Variants in ZFHX3 observed in about 807,000 individuals in gnomAD.
ZFHX3 encodes zinc finger homeobox protein 3.
In ZFHX3, 42 loss-of-function variants were observed where a neutral mutation model predicts 279.1. The ratio of observed to expected loss-of-function variants is 0.15; its 90% CI spans 0.12 to 0.19. The LOEUF (loss-of-function observed/expected upper bound fraction) is 0.19. Among genes scored for constraint, ZFHX3 ranks in the 10% least tolerant of loss-of-function variants. The pLI is 1.00. For synonymous variants in ZFHX3, 2,293 were observed against 1,957.8 expected, an observed-to-expected ratio of 1.17 and a Z score of -4.52; for missense variants, 4,981 against 4,754.0, an observed-to-expected ratio of 1.05 and a Z score of -1.40.
At chr16:73,623,316 T>G (rs967711187) in intron 2 of ZFHX3, among the ~76,000 whole-genome samples, 6 of 152,046 alleles carry the variant, frequency 3.9e-5, no homozygotes, top group Non-Finnish European at 7.4e-5. Context: ...GATTACAGGC[T>G]TGAGCCACTG....
intron 2 of ZFHX3, among the ~76,000 whole-genome samples, chr16:73,638,778 T>G (rs920625170): frequency 6.6e-6 from 1 of 152,186 alleles, no homozygotes; most frequent in Non-Finnish European, 1.5e-5. Flanking sequence ...TAAAAGGTAT[T>G]CAACAAATGT....
Position 72,943,231 on chromosome 16 carries a change from T to C in ZFHX3, c.3216+7238A>G, listed in dbSNP as rs149930832. Among the ~76,000 whole-genome samples, 449 of 152,298 alleles carry C rather than the reference T, an allele frequency of 2.9e-3. 2 individuals are homozygous for C. Among genetic ancestry groups the C allele is most frequent in the Middle Eastern group, 0.014 (4 of 294 alleles). ...GTCTTACAACTATACAAAAAATATA[T>C]TCCTGAAAAGTCACAAATAGGGCCA... On this transcript the variant is annotated intron_variant, in intron 3 of 9. Coordinates refer to ENST00000268489, the MANE Select transcript of ZFHX3 (RefSeq NM_006885.4).
chr16:72,796,004 G>T lies in ZFHX3; in HGVS notation c.6678C>A (p.Ser2226=). ...TTGGAGGTTCCGGCGAAGGGGGCCG[G>T]GAGTCAATCTTGAGCTCCTCCAGGC... The part of the protein sequence containing the change: ...ITSLEELKID[S]RPPSPEPPKQ... The change falls in exon 9 of 10, where the codon TCC becomes TCA. Residue 2226 remains serine (S), a synonymous_variant. Coordinates refer to ENST00000268489, the MANE Select transcript of ZFHX3 (RefSeq NM_006885.4). The T allele has an allele frequency of 6.2e-7, 1 of 1,614,118 alleles. No individual in the cohort carries two copies. The highest frequency in any genetic ancestry group is 8.5e-7 in the Non-Finnish European group (1 of 1,180,030).
At chr16:73,534,001 C>T (rs766259043) in intron 2 of ZFHX3, among the ~76,000 whole-genome samples, 5 of 152,172 alleles carry the variant, frequency 3.3e-5, no homozygotes, top group Admixed American at 6.6e-5. Flanking sequence ...AGAAATCCTT[C>T]TGATCTCATC....
Position 73,839,326 on chromosome 16 carries a change from C to CAAAAAAGAAAAAAAAA in ZFHX3, c.-1608+52324_-1608+52325insTTTTTTTTTCTTTTTT, listed in dbSNP as rs1961233006. On this transcript the variant is annotated intron_variant, in intron 1 of 17. Transcript: ENST00000641206. Reference sequence around the variant, plus strand: ...GCAGCAACAGAGCAAGACTCCATCTCAAAAAAAAAAAAAAAAAAAAAAAAA... The same window carrying CAAAAAAGAAAAAAAAA: ...GCAGCAACAGAGCAAGACTCCATCTCAAAAAAGAAAAAAAAAAAAAAAAAAAAAAAAAAAAAAAAAA... Among the ~76,000 whole-genome samples the CAAAAAAGAAAAAAAAA allele has an allele frequency of 6.7e-5, 2 of 30,042 alleles. 1 individual carries two copies. The highest frequency in any genetic ancestry group is 2.4e-4 in the African/African-American group (2 of 8,202). The allele number at this position is 30,042 out of a possible 152,430, so 19.7% of individuals were successfully genotyped here. A position where few individuals can be genotyped will look rare whatever the true frequency, so the allele number is the denominator to read the frequency against.
Position 73,477,624 on chromosome 16 carries a change from G to T in ZFHX3, c.-1546-21366C>A, listed in dbSNP as rs117569705. ...GCGGACCCTGCCAACAGGCATCATG[G>T]TGGCAGGCTGCACACCACGGGCCCC... On this transcript the variant is annotated intron_variant, in intron 2 of 17. Transcript: ENST00000641206. 9.1e-3 allele frequency among the ~76,000 whole-genome samples: 1,380 copies of T among 152,274 alleles called. 8 individuals are homozygous for T. Among genetic ancestry groups the T allele is most frequent in the Non-Finnish European group, 0.015 (994 of 68,026 alleles).
intron 6 of ZFHX3, among the ~76,000 whole-genome samples, chr16:73,143,204 T>C (rs932526722): frequency 6.6e-6 from 1 of 151,570 alleles, no homozygotes; most frequent in Admixed American, 6.6e-5. Flanking sequence ...TTGACGGAGG[T>C]TAGAAATAGC....
At chr16:73,314,410 A>T (rs778605500) in intron 4 of ZFHX3, among the ~76,000 whole-genome samples, 1 of 152,190 alleles carries the variant, frequency 6.6e-6, no homozygotes, top group Non-Finnish European at 1.5e-5. Context: ...AGAACCCTAA[A>T]ATAGGTAGGT....
intron 2 of ZFHX3, among the ~76,000 whole-genome samples, chr16:73,478,756 T>A (rs1304313002): frequency 6.6e-6 from 1 of 151,972 alleles, no homozygotes; most frequent in South Asian, 2.1e-4. Context: ...ACTCCCCAGA[T>A]AAAACCCAGA....
rs769598232 is a variant in ZFHX3, at chr16:72,787,977, G to A, written c.10299C>T (p.Pro3433=). The change falls in exon 10 of 10, where the codon CCC becomes CCT. Residue 3433 remains proline, a synonymous_variant. Coordinates refer to ENST00000268489, the MANE Select transcript of ZFHX3 (RefSeq NM_006885.4). ...GCTCTTCAGGGAGTTTCGGCAGGAG[G>A]GGGGACACCTCACGGGGGGTGTTTT... ...EQKNTPREVS[P]LLPKLPEEPE... is the part of the protein sequence containing the mutation. 1.1e-5 allele frequency: 17 copies of A among 1,613,754 alleles called. No individual in the cohort carries two copies. Among genetic ancestry groups the A allele is most frequent in the Non-Finnish European group, 1.4e-5 (16 of 1,179,986 alleles).
intron 4 of ZFHX3, among the ~76,000 whole-genome samples, chr16:73,296,100 G>C (rs1400580916): frequency 6.7e-6 from 1 of 149,116 alleles, no homozygotes; most frequent in Non-Finnish European, 1.5e-5. Context: ...GTGTGTGTGT[G>C]TGTCTGTGTT....
intron 5 of ZFHX3, among the ~76,000 whole-genome samples, chr16:73,201,611 G>A (rs1354237948): frequency 6.6e-6 from 1 of 152,178 alleles, no homozygotes; most frequent in Non-Finnish European, 1.5e-5. Flanking sequence ...CATGTGAGAG[G>A]AAAATGCTGC....
chr16:72,962,150 G>T (rs116861998), intron 1 of ZFHX3, among the ~76,000 whole-genome samples: 3,538 of 152,322 alleles, frequency 0.023, 83 homozygotes, highest in South Asian at 0.059. Context: ...TGCGGGAAGG[G>T]GGGGCCACGA....
chr16:73,572,168 T>C (rs1209030693), intron 2 of ZFHX3, among the ~76,000 whole-genome samples: 2 of 140,292 alleles, frequency 1.4e-5, no homozygotes, highest in Middle Eastern at 3.5e-3. Context: ...TAAATATTCT[T>C]AAAAAAAAAA....
At chr16:73,786,447 T>TG (rs1210519092) in intron 1 of ZFHX3, among the ~76,000 whole-genome samples, 6 of 152,166 alleles carry the variant, frequency 3.9e-5, no homozygotes, top group African/African-American at 1.4e-4. Flanking sequence ...GTGGTCTCTG[T>TG]GTTCAGGAAG....
chr16:73,204,468 A>C (rs574657438), intron 5 of ZFHX3, among the ~76,000 whole-genome samples: 1 of 152,268 alleles, frequency 6.6e-6, no homozygotes, highest in East Asian at 1.9e-4. Flanking sequence ...TGCAGTTCAC[A>C]ATAGGGTTTG....
intron 2 of ZFHX3, among the ~76,000 whole-genome samples, chr16:73,533,940 C>A (rs1357674751): frequency 6.6e-6 from 1 of 152,162 alleles, no homozygotes; most frequent in African/African-American, 2.4e-5. Context: ...ATGGCAATAG[C>A]CCTTGATCTG....
chr16:73,544,344 C>G (rs2020073435), intron 2 of ZFHX3, among the ~76,000 whole-genome samples: 1 of 152,154 alleles, frequency 6.6e-6, no homozygotes, highest in Non-Finnish European at 1.5e-5. Context: ...AGGAGGGGGG[C>G]CCTCCCCGCT....
chr16:72,831,473 C>A (rs1272691205), intron 4 of ZFHX3, among the ~76,000 whole-genome samples: 1 of 152,140 alleles, frequency 6.6e-6, no homozygotes, highest in Non-Finnish European at 1.5e-5. Context: ...GTTTCCCTAC[C>A]CTACCCTTAG....
Sources: allele counts gnomAD v4.1 joint callset (sites outside exome capture counted in the v4.1 genomes callset), GRCh38; gene constraint gnomAD v4.1.1; transcripts MANE v1.5; gene names NCBI Gene and HGNC (gene_info 2026-07-23, HGNC 2026-07-21).